The following CCDC85A variants were observed in gnomAD, a reference collection of about 807,000 sequenced individuals.
CCDC85A encodes coiled-coil domain containing 85A.
In CCDC85A, 38 loss-of-function variants were observed where a neutral mutation model predicts 50.2. The ratio of observed to expected loss-of-function variants is 0.76; its 90% CI spans 0.58 to 0.99. CCDC85A has a LOEUF of 0.99. Ranked by LOEUF, CCDC85A falls within the 50% of genes least tolerant of loss-of-function variation. The pLI is 0.00. For synonymous variants in CCDC85A, 366 were observed against 301.4 expected, an observed-to-expected ratio of 1.21 and a Z score of -2.22; for missense variants, 820 against 742.0, an observed-to-expected ratio of 1.11 and a Z score of -1.22.
chr2:56,304,699 T>G (rs1672354456), intron 2 of CCDC85A, among the ~76,000 whole-genome samples: 1 of 152,120 alleles, frequency 6.6e-6, no homozygotes, highest in Non-Finnish European at 1.5e-5. Context: ...TTCTCAAATA[T>G]TTTAAAGAAA....
intron 2 of CCDC85A, among the ~76,000 whole-genome samples, chr2:56,330,874 A>G (rs1386690231): frequency 3.9e-5 from 6 of 152,216 alleles, no homozygotes; most frequent in Non-Finnish European, 5.9e-5. Flanking sequence ...ACTACTTGGT[A>G]TCTCCCCAAA....
At chr2:56,212,913 T>G (rs1274192612) in intron 2 of CCDC85A, among the ~76,000 whole-genome samples, 1 of 152,028 alleles carries the variant, frequency 6.6e-6, no homozygotes, top group East Asian at 1.9e-4. Context: ...TAATAGTGGC[T>G]GTTGATAAGT....
chr2:56,346,519 C>A (rs1227044125), intron 3 of CCDC85A, among the ~76,000 whole-genome samples: 1 of 152,244 alleles, frequency 6.6e-6, no homozygotes, highest in East Asian at 1.9e-4. Flanking sequence ...GCAAGTCATC[C>A]CCAGTGAATG....
chr2:56,304,130 G>A (rs1415911539), intron 2 of CCDC85A, among the ~76,000 whole-genome samples: 1 of 152,126 alleles, frequency 6.6e-6, no homozygotes, highest in Non-Finnish European at 1.5e-5. Context: ...GCTGTTGTAA[G>A]TGCATTCTTA....
At chr2:56,366,228 A>G (rs1306076755) in intron 3 of CCDC85A, among the ~76,000 whole-genome samples, 1 of 152,178 alleles carries the variant, frequency 6.6e-6, no homozygotes, top group African/African-American at 2.4e-5. Flanking sequence ...GGGAGTGCAG[A>G]TATCTCTTTG....
chr2:56,275,342 C>T (rs1002135196), intron 2 of CCDC85A, among the ~76,000 whole-genome samples: 1 of 152,128 alleles, frequency 6.6e-6, no homozygotes, highest in Non-Finnish European at 1.5e-5. Flanking sequence ...TAGAGTGCCT[C>T]TCTTGGTAAA....
intron 3 of CCDC85A, among the ~76,000 whole-genome samples, chr2:56,353,473 T>C (rs536290400): frequency 5.9e-5 from 9 of 152,372 alleles, no homozygotes; most frequent in African/African-American, 2.2e-4. Context: ...TCCTTTCAGC[T>C]CTGAACATTC....
At chr2:56,309,587 T>C (rs1010636278) in intron 2 of CCDC85A, among the ~76,000 whole-genome samples, 2 of 152,184 alleles carry the variant, frequency 1.3e-5, no homozygotes, top group Non-Finnish European at 2.9e-5. Context: ...GGCAGTTGGA[T>C]GAACTAGGAC....
intron 4 of CCDC85A, among the ~76,000 whole-genome samples, chr2:56,373,945 A>G (rs1371141489): frequency 6.6e-6 from 1 of 152,204 alleles, no homozygotes; most frequent in Non-Finnish European, 1.5e-5. Context: ...AAGATGTCCA[A>G]AATATGAGGG....
chr2:56,236,699 T>G (rs1268758802), intron 2 of CCDC85A, among the ~76,000 whole-genome samples: 1 of 152,184 alleles, frequency 6.6e-6, no homozygotes, highest in Non-Finnish European at 1.5e-5. Flanking sequence ...TAAATAAGCA[T>G]TAGACTTACC....
At chr2:56,253,718 C>T (rs375188632) in intron 2 of CCDC85A, among the ~76,000 whole-genome samples, 25 of 152,140 alleles carry the variant, frequency 1.6e-4, no homozygotes, top group Middle Eastern at 3.4e-3. Flanking sequence ...AGAGATGTTT[C>T]GGAGCAAAGA....
At chr2:56,256,547 C>T (rs1410556442) in intron 2 of CCDC85A, among the ~76,000 whole-genome samples, 3 of 152,180 alleles carry the variant, frequency 2.0e-5, no homozygotes, top group African/African-American at 7.2e-5. Flanking sequence ...ATGAATTGTA[C>T]CGATTGGAAT....
At chr2:56,331,865 C>T (rs1003755379) in intron 2 of CCDC85A, among the ~76,000 whole-genome samples, 43 of 152,312 alleles carry the variant, frequency 2.8e-4, no homozygotes, top group African/African-American at 1.0e-3. Flanking sequence ...CTTTGCTTTT[C>T]CCTTCCTTTG....
intron 2 of CCDC85A, among the ~76,000 whole-genome samples, chr2:56,257,225 T>G (rs1238664073): frequency 6.6e-6 from 1 of 152,132 alleles, no homozygotes; most frequent in Non-Finnish European, 1.5e-5. Flanking sequence ...TACCACTGTG[T>G]TGGGGAGATG....
chr2:56,266,151 A>G (rs1030020640), intron 2 of CCDC85A, among the ~76,000 whole-genome samples: 15 of 152,232 alleles, frequency 9.9e-5, no homozygotes, highest in African/African-American at 3.4e-4. Context: ...GAGTTGCAGG[A>G]TATGGGTGGG....
chr2:56,201,439 C>A (rs946891932), intron 2 of CCDC85A, among the ~76,000 whole-genome samples: 1 of 152,046 alleles, frequency 6.6e-6, no homozygotes, highest in African/African-American at 2.4e-5. Flanking sequence ...GTCGTTGTTG[C>A]ATTAAACTCA....
intron 2 of CCDC85A, among the ~76,000 whole-genome samples, chr2:56,259,256 T>C (rs938536377): frequency 2.6e-5 from 4 of 152,182 alleles, no homozygotes; most frequent in Non-Finnish European, 4.4e-5. Context: ...TGGGATCATA[T>C]GCATTGATTG....
chr2:56,381,527 AAC>A (rs1228513739), intron 5 of CCDC85A, among the ~76,000 whole-genome samples: 1 of 152,064 alleles, frequency 6.6e-6, no homozygotes, highest in Admixed American at 6.6e-5. Flanking sequence ...TAAGAACCCG[AAC>A]ACTCTAATTC....
At chr2:56,254,670 A>G (rs1339762934) in intron 2 of CCDC85A, among the ~76,000 whole-genome samples, 1 of 152,244 alleles carries the variant, frequency 6.6e-6, no homozygotes, top group African/African-American at 2.4e-5. Flanking sequence ...TTAATCAAAT[A>G]ACCAACAAAT....
Sources: allele counts gnomAD v4.1 joint callset (sites outside exome capture counted in the v4.1 genomes callset), GRCh38; gene constraint gnomAD v4.1.1; transcripts MANE v1.5; gene names NCBI Gene and HGNC (gene_info 2026-07-23, HGNC 2026-07-21).